KIF1B: variants seen among roughly 807,000 people sequenced by gnomAD.
KIF1B encodes the protein kinesin-like protein KIF1B.
Under a neutral mutation model 241.9 loss-of-function variants are expected in KIF1B, and 76 were observed. The ratio of observed to expected loss-of-function variants is 0.31; its 90% CI spans 0.26 to 0.38. The LOEUF is 0.38. KIF1B is among the 10% of genes least tolerant of loss of function. The probability of loss-of-function intolerance (pLI) is 1.00; values close to 1 mark genes in which losing one functional copy is unlikely to be tolerated. For synonymous variants in KIF1B, 750 were observed against 796.7 expected, an observed-to-expected ratio of 0.94 and a Z score of 0.99; for missense variants, 1,622 against 2,271.4, an observed-to-expected ratio of 0.71 and a Z score of 5.81.
At chr1:10,249,213 T>A (rs1443590855) in intron 2 of KIF1B, among the ~76,000 whole-genome samples, 1 of 152,194 alleles carries the variant, frequency 6.6e-6, no homozygotes, top group Non-Finnish European at 1.5e-5. Flanking sequence ...TCTGTTTTTA[T>A]GTGCATGGTT....
chr1:10,337,544 C>T lies in KIF1B; in HGVS notation c.3422+11C>T. ...CTTCTGTCAGTTCAAGTAAGCTGCC[C>T]CTTTGCTCTGCCTCCCAGCTAGCTG... On this transcript the variant is annotated intron_variant, in intron 31 of 48. Coordinates refer to ENST00000676179, the MANE Select transcript of KIF1B (RefSeq NM_001365951.3). The surrounding 1 kb of genome is among the most constrained non-coding windows in gnomAD (Gnocchi z 4.0). 1 of 1,614,178 alleles carries T rather than the reference C, an allele frequency of 6.2e-7. No homozygotes were observed. The highest frequency in any genetic ancestry group is 8.5e-7 in the Non-Finnish European group (1 of 1,180,006).
intron 2 of KIF1B, 41 bp downstream of exon 2, chr1:10,232,475 T>C (rs1192242092): frequency 1.4e-6 from 2 of 1,392,758 alleles, no homozygotes; most frequent in Admixed American, 3.4e-5. Context: ...TATCTTACTT[T>C]CCTTTCTTCT....
At chr1:10,350,276 T>C (rs1168117559) in intron 37 of KIF1B, among the ~76,000 whole-genome samples, 3 of 132,444 alleles carry the variant, frequency 2.3e-5, no homozygotes, top group Non-Finnish European at 4.8e-5. Flanking sequence ...AATAAATAAA[T>C]AGGCCGGGCG....
chr1:10,246,655 G>T (rs1287437513), intron 2 of KIF1B, among the ~76,000 whole-genome samples: 1 of 152,158 alleles, frequency 6.6e-6, no homozygotes, highest in Non-Finnish European at 1.5e-5. Flanking sequence ...GAGGCAGGAG[G>T]ATCGCTTGAA....
intron 2 of KIF1B, among the ~76,000 whole-genome samples, chr1:10,254,378 G>A (rs1647638223): frequency 6.6e-6 from 1 of 151,854 alleles, no homozygotes; most frequent in African/African-American, 2.4e-5. Flanking sequence ...TTTATACCAG[G>A]GTCTTTTCTG....
At chr1:10,246,267 AC>A (rs1208422380) in intron 2 of KIF1B, among the ~76,000 whole-genome samples, 1 of 152,064 alleles carries the variant, frequency 6.6e-6, no homozygotes, top group African/African-American at 2.4e-5. Context: ...AGTCATTCTT[AC>A]CTTCTCCGTT....
intron 47 of KIF1B, 41 bp downstream of exon 47, chr1:10,375,087 C>T (rs1463187299): frequency 1.3e-6 from 2 of 1,596,528 alleles, no homozygotes; most frequent in South Asian, 1.1e-5. Context: ...GCCACGTGTG[C>T]CCTTCTCTTT....
At position 10,381,518 on chromosome 1, in the gene KIF1B, C is replaced by T. The variant is rs1430838235; in HGVS notation, c.*4931C>T. 1 of 201,562 alleles carries T rather than the reference C, an allele frequency of 5.0e-6. No homozygotes were observed. The highest frequency in any genetic ancestry group is 1.0e-5 in the Non-Finnish European group (1 of 97,616). The allele number at this position is 201,562 out of a possible 1,614,324, so 12.5% of individuals were successfully genotyped here. On this transcript the variant is annotated 3_prime_UTR_variant, in exon 49 of 49. Transcript: ENST00000676179. ...TAGCCTTAGATGTGCAATGCAGACA[C>T]TATCTAACTGTGTGTGGTAACCTTG...
At chr1:10,294,241 A>G (rs557084214) in intron 17 of KIF1B, among the ~76,000 whole-genome samples, 23 of 152,344 alleles carry the variant, frequency 1.5e-4, no homozygotes, top group African/African-American at 5.3e-4. Flanking sequence ...TTTTAGAAAT[A>G]TTAGAGTTAG....
At chr1:10,280,503 G>A (rs1569688164) in intron 14 of KIF1B, among the ~76,000 whole-genome samples, 2 of 152,142 alleles carry the variant, frequency 1.3e-5, no homozygotes. Flanking sequence ...CAAAGTGCTG[G>A]CATTACAGGT....
chr1:10,255,962 G>T (rs1225993795), intron 2 of KIF1B, among the ~76,000 whole-genome samples: 1 of 133,584 alleles, frequency 7.5e-6, no homozygotes, highest in African/African-American at 2.6e-5. Context: ...GCTAGTTGTT[G>T]TTGTTTTTTT....
Position 10,380,060 on chromosome 1 carries a change from A to G in KIF1B, c.*3473A>G, listed in dbSNP as rs750187054. 2 of 228,592 alleles carry G rather than the reference A, an allele frequency of 8.7e-6. No homozygotes were observed. The highest frequency in any genetic ancestry group is 1.7e-5 in the Non-Finnish European group (2 of 115,020). 14.2% of individuals were successfully genotyped at this position (228,592 alleles called of 1,614,324 possible). On this transcript the variant is annotated 3_prime_UTR_variant, in exon 49 of 49. Coordinates refer to ENST00000676179, the MANE Select transcript of KIF1B (RefSeq NM_001365951.3). ...CTATTTTTTATGGATTTTTCAGCTCATTTCAGATGAAGGAACTAAGTCATT... is the reference window on the plus strand; with the variant it reads ...CTATTTTTTATGGATTTTTCAGCTCGTTTCAGATGAAGGAACTAAGTCATT...
chr1:10,285,473 G>T (rs373961499), intron 15 of KIF1B, among the ~76,000 whole-genome samples: 1 of 152,122 alleles, frequency 6.6e-6, no homozygotes, highest in Non-Finnish European at 1.5e-5. Context: ...CTCTCCTTCC[G>T]ACTTCCCTAT....
chr1:10,223,546 G>GTTTTTTT (rs113574017), intron 1 of KIF1B, among the ~76,000 whole-genome samples: 5 of 131,296 alleles, frequency 3.8e-5, no homozygotes, highest in African/African-American at 5.9e-5. Context: ...GTTTTGTTTT[G>GTTTTTTT]TTTTTTTTTT....
intron 39 of KIF1B, among the ~76,000 whole-genome samples, chr1:10,361,481 A>G (rs1638420792): frequency 6.6e-6 from 1 of 152,208 alleles, no homozygotes; most frequent in African/African-American, 2.4e-5. Context: ...CAGGAGAAAC[A>G]ACATTTACCT....
At chr1:10,290,654 G>A (rs1456115638) in intron 15 of KIF1B, among the ~76,000 whole-genome samples, 1 of 151,636 alleles carries the variant, frequency 6.6e-6, no homozygotes, top group East Asian at 2.0e-4. Flanking sequence ...CGTGGATCAC[G>A]AGGTCAAGAG....
rs1309803310 is a variant in KIF1B, at chr1:10,381,170, G to A, written c.*4583G>A. On this transcript the variant is annotated 3_prime_UTR_variant, in exon 49 of 49. Coordinates refer to ENST00000676179, the MANE Select transcript of KIF1B (RefSeq NM_001365951.3). ...ATTCTGGCATCAGCTCACTTGAGGA[G>A]TCCCTCAGCCTTCTTGTATTTAAGG... The A allele has an allele frequency of 4.5e-6, 1 of 220,096 alleles. No individual in the cohort carries two copies. Among genetic ancestry groups the A allele is most frequent in the Non-Finnish European group, 9.1e-6 (1 of 109,728 alleles). The allele number at this position is 220,096 out of a possible 1,614,324, so 13.6% of individuals were successfully genotyped here.
chr1:10,312,313 C>A (rs1651102543), intron 22 of KIF1B, among the ~76,000 whole-genome samples: 1 of 151,548 alleles, frequency 6.6e-6, no homozygotes. Flanking sequence ...CTGACTCCAT[C>A]TCTTTTCACC....
At position 10,276,318 on chromosome 1, in the gene KIF1B, T is replaced by C; in HGVS notation, c.959-3T>C. ...ATTTGATACTCATGATTAATCTTTT[T>C]AGGTGGCAATTCTCGGACTGCAATG... On this transcript the variant is annotated splice_region_variant and splice_polypyrimidine_tract_variant and intron_variant, in intron 11 of 48. Coordinates refer to ENST00000676179, the MANE Select transcript of KIF1B (RefSeq NM_001365951.3). 6.2e-7 allele frequency: 1 copy of C among 1,611,404 alleles called. No individual in the cohort carries two copies. The highest frequency in any genetic ancestry group is 8.5e-7 in the Non-Finnish European group (1 of 1,177,554).
Sources: allele counts gnomAD v4.1 joint callset (sites outside exome capture counted in the v4.1 genomes callset), GRCh38; gene constraint gnomAD v4.1.1; non-coding constraint Gnocchi (gnomAD v3.1); transcripts MANE v1.5; gene names NCBI Gene and HGNC (gene_info 2026-07-23, HGNC 2026-07-21).